Variants in GAPVD1 observed in about 807,000 individuals in gnomAD.
GAPVD1 encodes GTPase-activating protein and VPS9 domain-containing protein 1.
A neutral mutation model predicts 155.5 loss-of-function variants in GAPVD1; 35 were observed. The observed-to-expected ratio is 0.23, with a 90% CI of 0.17 to 0.30. GAPVD1 has a LOEUF of 0.30. GAPVD1 is among the 10% of genes least tolerant of loss of function. The probability of loss-of-function intolerance (pLI) is 1.00; values close to 1 mark genes in which losing one functional copy is unlikely to be tolerated. For synonymous variants in GAPVD1, 636 were observed against 619.7 expected, an observed-to-expected ratio of 1.03 and a Z score of -0.39; for missense variants, 1,429 against 1,775.7, an observed-to-expected ratio of 0.80 and a Z score of 3.51.
At chr9:125,271,848 A>G (rs1834974632) in intron 2 of GAPVD1, among the ~76,000 whole-genome samples, 1 of 152,028 alleles carries the variant, frequency 6.6e-6, no homozygotes, top group Non-Finnish European at 1.5e-5. Context: ...TTCACTTTCT[A>G]ATGCAGAATT....
chr9:125,326,292 C>T (rs1440677790), intron 11 of GAPVD1, 124 bp from the exon 12 acceptor site: 14 of 629,208 alleles, frequency 2.2e-5, no homozygotes, highest in Non-Finnish European at 3.3e-5. Context: ...CCGAGGCGGG[C>T]GGATCACCTG....
intron 3 of GAPVD1, among the ~76,000 whole-genome samples, chr9:125,297,538 C>CT (rs1554759424): frequency 6.6e-6 from 1 of 152,132 alleles, no homozygotes. Flanking sequence ...AATGTGGACA[C>CT]TTTGAGAGAG....
chr9:125,357,985 A>AC (rs1170431485), intron 25 of GAPVD1, among the ~76,000 whole-genome samples: 12 of 151,094 alleles, frequency 7.9e-5, no homozygotes, highest in African/African-American at 2.2e-4. Context: ...TAAAAAAAAA[A>AC]AACACACACA....
At position 125,304,978 on chromosome 9, in the gene GAPVD1, G is replaced by A. The variant is rs947029530; in HGVS notation, c.1030-85G>A. On this transcript the variant is annotated intron_variant, in intron 5 of 27. Coordinates refer to ENST00000297933, the MANE Select transcript of GAPVD1 (RefSeq NM_001282680.3). ...TATTATGAAACAGATTTTTAGAACA[G>A]AATAGACGTGCTTGCTTTCATAGAG... 12 of 875,578 alleles carry A rather than the reference G, an allele frequency of 1.4e-5. No individual in the cohort carries two copies. The East Asian group carries it at 2.2e-4, about 16-fold the overall frequency. 54.2% of individuals were successfully genotyped at this position (875,578 alleles called of 1,614,324 possible).
At chr9:125,272,313 C>T (rs1469016771) in intron 2 of GAPVD1, among the ~76,000 whole-genome samples, 1 of 152,154 alleles carries the variant, frequency 6.6e-6, no homozygotes, top group Non-Finnish European at 1.5e-5. Flanking sequence ...TGAACCTCCG[C>T]GCCCAGCCAA....
At chr9:125,310,865 G>A (rs1842579845) in intron 8 of GAPVD1, among the ~76,000 whole-genome samples, 1 of 145,312 alleles carries the variant, frequency 6.9e-6, no homozygotes, top group African/African-American at 2.6e-5. Flanking sequence ...TTTAGACGGA[G>A]TTTCGCTTTT....
chr9:125,273,013 C>T (rs1344267425), intron 2 of GAPVD1, among the ~76,000 whole-genome samples: 3 of 152,112 alleles, frequency 2.0e-5, no homozygotes, highest in Non-Finnish European at 4.4e-5. Flanking sequence ...TTCCTCAAAG[C>T]ATGGGGGTTG....
Position 125,337,564 on chromosome 9 carries a change from C to A in GAPVD1, c.2850C>A (p.Ser950=). The A allele has an allele frequency of 6.2e-7, 1 of 1,613,930 alleles. No homozygotes were observed. The highest frequency in any genetic ancestry group is 1.1e-5 in the South Asian group (1 of 91,076). Residue 950 remains serine (S), a synonymous_variant, in exon 17 of 28, where the codon TCC becomes TCA. Transcript: ENST00000297933. The part of the protein sequence containing the change: ...LVAAPHSSSS[S]PSKDSSRGET... ...CTGCACCTCATTCATCATCTTCATC[C>A]CCGAGTAAGGACTCCTCAAGAGGAG...
intron 2 of GAPVD1, among the ~76,000 whole-genome samples, chr9:125,276,109 G>A (rs191986053): frequency 1.1e-4 from 17 of 152,202 alleles, no homozygotes; most frequent in African/African-American, 3.6e-4. Context: ...CAAGAAGTCT[G>A]TTGTGTTGAT....
At chr9:125,312,322 A>T (rs1346400634) in intron 8 of GAPVD1, 130 bp from the exon 9 acceptor site, 1 of 600,356 alleles carries the variant, frequency 1.7e-6, no homozygotes, top group African/African-American at 1.9e-5. Flanking sequence ...GTTTTTTCTT[A>T]TTTATATTTT....
Position 125,342,233 on chromosome 9 carries a change from A to G in GAPVD1, c.2980A>G (p.Arg994Gly), listed in dbSNP as rs767194286. ...TTAATTTCCAGCTCCTATACCATTTAGAAAGAAAGAAAAACAAGAAAAAGA... is the reference window on the plus strand; with the variant it reads ...TTAATTTCCAGCTCCTATACCATTTGGAAAGAAAGAAAAACAAGAAAAAGA... The part of the protein sequence containing the change: ...SAMPKAPIPF[R>G]KKEKQEKDKD... The change falls in exon 19 of 28, where the codon AGA (arginine) becomes GGA (glycine). Residue 994 changes from arginine (R) to glycine (G), a missense_variant. Coordinates refer to ENST00000297933, the MANE Select transcript of GAPVD1 (RefSeq NM_001282680.3). The G allele has an allele frequency of 4.5e-6, 7 of 1,566,746 alleles. No homozygotes were observed. Among genetic ancestry groups the G allele is most frequent in the Non-Finnish European group, 6.2e-6 (7 of 1,136,850 alleles).
intron 1 of GAPVD1, chr9:125,263,799 G>T: frequency 9.7e-7 from 1 of 1,033,546 alleles, no homozygotes; most frequent in Non-Finnish European, 1.5e-6. Flanking sequence ...GCTGAGGCCT[G>T]CCGGTCTCTG....
At chr9:125,340,448 G>A (rs1411907905) in intron 17 of GAPVD1, among the ~76,000 whole-genome samples, 6 of 152,096 alleles carry the variant, frequency 3.9e-5, no homozygotes, top group African/African-American at 1.4e-4. Context: ...AGGAAGAGGG[G>A]GAGGTAACCT....
In GAPVD1 at chr9:125,298,772, G is replaced by A. The variant is rs985067054; in HGVS notation, c.-32-118G>A. 9 of 532,058 alleles carry A rather than the reference G, an allele frequency of 1.7e-5. No homozygotes were observed. The African/African-American group carries it at 1.7e-4, about 10-fold the overall frequency. The allele number at this position is 532,058 out of a possible 1,614,324, so 33.0% of individuals were successfully genotyped here. A position where few individuals can be genotyped will look rare whatever the true frequency, so the allele number is the denominator to read the frequency against. ...CAAAGTGCTGGGATTATAGGCATGA[G>A]CCACCGCGCCTGCCCAAATGTAACT... On this transcript the variant is annotated intron_variant, in intron 3 of 27. Transcript: ENST00000297933.
At chr9:125,312,738 A>T in intron 9 of GAPVD1, 126 bp downstream of exon 9, 1 of 639,510 alleles carries the variant, frequency 1.6e-6, no homozygotes, top group East Asian at 3.0e-5. Context: ...TGTAGAGGCC[A>T]GGAAGTCTAT....
At chr9:125,345,153 G>A (rs1244991184) in intron 19 of GAPVD1, among the ~76,000 whole-genome samples, 12 of 151,180 alleles carry the variant, frequency 7.9e-5, no homozygotes. Flanking sequence ...GTGAAATGTA[G>A]TGTTTTCTTT....
chr9:125,358,669 G>T (rs988634636), intron 25 of GAPVD1, among the ~76,000 whole-genome samples: 5 of 152,146 alleles, frequency 3.3e-5, no homozygotes, highest in African/African-American at 1.2e-4. Context: ...ATTTGTTTAT[G>T]GTCTCACAGT....
At chr9:125,328,611 G>A (rs910604077) in intron 12 of GAPVD1, among the ~76,000 whole-genome samples, 2 of 149,866 alleles carry the variant, frequency 1.3e-5, no homozygotes, top group African/African-American at 5.0e-5. Context: ...TTTCTACACA[G>A]ACAGGGCAAC....
intron 4 of GAPVD1, among the ~76,000 whole-genome samples, chr9:125,301,172 C>T (rs1384945829): frequency 6.6e-6 from 1 of 151,934 alleles, no homozygotes; most frequent in South Asian, 2.1e-4. Flanking sequence ...TGAGCTCAAG[C>T]GATTTTCCCA....
Sources: allele counts gnomAD v4.1 joint callset (sites outside exome capture counted in the v4.1 genomes callset), GRCh38; gene constraint gnomAD v4.1.1; transcripts MANE v1.5; gene names NCBI Gene and HGNC (gene_info 2026-07-23, HGNC 2026-07-21).